The following CTRB1 variants were observed in gnomAD, a reference collection of about 807,000 sequenced individuals.
CTRB1 encodes chymotrypsinogen B1.
CTRB1 carries 15 observed loss-of-function variants against 20.4 expected under a neutral mutation model. That is an observed-to-expected ratio of 0.74 (90% CI 0.49 to 1.13). CTRB1 has a LOEUF of 1.13. Ranked by LOEUF, CTRB1 falls within the 50% of genes most tolerant of loss-of-function variation. The pLI, the probability that CTRB1 is intolerant of heterozygous loss-of-function variation, is 0.00. For missense variants in CTRB1, 227 were observed against 290.1 expected (o/e 0.78, Z 1.58); for synonymous variants, 92 against 128.4 (o/e 0.72, Z 1.92).
chr16:75,219,549 C>A (rs2039050620), intron 1 of CTRB1, among the ~76,000 whole-genome samples: 1 of 152,132 alleles, frequency 6.6e-6, no homozygotes, highest in Non-Finnish European at 1.5e-5. Context: ...GGACCACCAA[C>A]CCTGGCTAAT....
rs1252073444 is a variant in CTRB1, at chr16:75,222,748, T to C, written c.53-20T>C. The C allele has an allele frequency of 9.0e-6, 14 of 1,551,652 alleles. No homozygotes were observed. The highest frequency in any genetic ancestry group is 1.1e-5 in the Non-Finnish European group (13 of 1,146,716). On this transcript the variant is annotated intron_variant, in intron 1 of 6. Transcript: ENST00000361017. ...GGTGGGTTTGGGGCCTCAGCCCTTA[T>C]TCACCCCACTCCCCCCCAGGCTGCG...
intron 6 of CTRB1, 22 bp from the exon 7 acceptor site, chr16:75,224,683 C>A (rs759023339): frequency 2.5e-6 from 4 of 1,592,824 alleles, no homozygotes; most frequent in Non-Finnish European, 3.4e-6. Context: ...CAGATCCAAG[C>A]CCCCTTCTCC....
chr16:75,221,993 G>A (rs542014261), intron 1 of CTRB1, among the ~76,000 whole-genome samples: 32 of 150,974 alleles, frequency 2.1e-4, no homozygotes, highest in African/African-American at 7.3e-4. Context: ...CCCAGGAGGC[G>A]GAGCTTGCAG....
In CTRB1 at chr16:75,219,070, G is replaced by A. The variant is rs1191716279; in HGVS notation, c.52+11G>A. On this transcript the variant is annotated intron_variant, in intron 1 of 6. Coordinates refer to ENST00000361017, the MANE Select transcript of CTRB1 (RefSeq NM_001906.6). ...TGGGGGCCGCCTTTGGTGAGTGCTG[G>A]TGCCCGAGGGGTCTGTCCTGAGGGA... The A allele has an allele frequency of 1.9e-6, 3 of 1,583,070 alleles. No homozygotes were observed. Among genetic ancestry groups the A allele is most frequent in the Non-Finnish European group, 1.7e-6 (2 of 1,165,842 alleles).
At chr16:75,219,271 T>C (rs1247415880) in intron 1 of CTRB1, among the ~76,000 whole-genome samples, 2 of 152,090 alleles carry the variant, frequency 1.3e-5, no homozygotes, top group East Asian at 3.9e-4. Context: ...GGTCTGAGGC[T>C]CCAGAAGTGG....
In CTRB1 at chr16:75,219,046, G is replaced by T; in HGVS notation, c.39G>T (p.Val13=). Residue 13 remains valine (V), a synonymous_variant, in exon 1 of 7, where the codon GTG becomes GTT. Coordinates refer to ENST00000361017, the MANE Select transcript of CTRB1 (RefSeq NM_001906.6). ...SLWLLSCFSL[V]GAAFGCGVPA... ...GGCTCCTCTCCTGCTTCTCCCTTGTGGGGGCCGCCTTTGGTGAGTGCTGGT... is the reference window on the plus strand; with the variant it reads ...GGCTCCTCTCCTGCTTCTCCCTTGTTGGGGCCGCCTTTGGTGAGTGCTGGT... 1 of 1,592,586 alleles carries T rather than the reference G, an allele frequency of 6.3e-7. No homozygotes were observed.
chr16:75,219,935 A>G (rs1190811584), intron 1 of CTRB1, among the ~76,000 whole-genome samples: 1 of 152,214 alleles, frequency 6.6e-6, no homozygotes, highest in Non-Finnish European at 1.5e-5. Flanking sequence ...ACATCTATAC[A>G]TAAGGTTTCA....
chr16:75,221,479 C>T (rs1022989894), intron 1 of CTRB1, among the ~76,000 whole-genome samples: 1 of 152,124 alleles, frequency 6.6e-6, no homozygotes, highest in Non-Finnish European at 1.5e-5. Context: ...CCTGCCTCAG[C>T]CTCCCAAGTA....
At chr16:75,222,474 A>C in intron 1 of CTRB1, 1 of 492,452 alleles carries the variant, frequency 2.0e-6, no homozygotes, top group Non-Finnish European at 3.6e-6. Context: ...CTCGAGGCTG[A>C]GCCCAGGCAG....
At chr16:75,220,387 T>C (rs928295528) in intron 1 of CTRB1, among the ~76,000 whole-genome samples, 11 of 152,186 alleles carry the variant, frequency 7.2e-5, no homozygotes, top group Non-Finnish European at 1.5e-4. Flanking sequence ...TTTCACCATA[T>C]TGGTCAGGCT....
intron 1 of CTRB1, among the ~76,000 whole-genome samples, chr16:75,222,060 A>G (rs2039093505): frequency 1.6e-5 from 1 of 60,832 alleles, no homozygotes; most frequent in African/African-American, 4.9e-5. Flanking sequence ...GACTGTCTCA[A>G]AAAGAAAAAA....
In CTRB1 at chr16:75,218,991, C is replaced by A; in HGVS notation, c.-17C>A. ...GGCCCCGCAGCTGGCAGGCCCCACACCTTCTGAGGCAGCGGCATGGCTTCC... is the reference window on the plus strand; with the variant it reads ...GGCCCCGCAGCTGGCAGGCCCCACAACTTCTGAGGCAGCGGCATGGCTTCC... On this transcript the variant is annotated 5_prime_UTR_variant, in exon 1 of 7. Transcript: ENST00000361017. 2.5e-6 allele frequency: 4 copies of A among 1,576,064 alleles called. No homozygotes were observed. Among genetic ancestry groups the A allele is most frequent in the Non-Finnish European group, 3.4e-6 (4 of 1,162,916 alleles).
intron 5 of CTRB1, among the ~76,000 whole-genome samples, 167 bp from the exon 6 acceptor site, chr16:75,223,888 G>A (rs1208977493): frequency 9.7e-5 from 1 of 10,360 alleles, no homozygotes; most frequent in Non-Finnish European, 2.2e-4. Flanking sequence ...GCTCCCACCC[G>A]GGCAGGGCCG....
At chr16:75,220,083 G>C (rs149298631) in intron 1 of CTRB1, among the ~76,000 whole-genome samples, 1 of 152,008 alleles carries the variant, frequency 6.6e-6, no homozygotes, top group Non-Finnish European at 1.5e-5. Flanking sequence ...TCAAGGGCTC[G>C]AGTGATCCTC....
intron 1 of CTRB1, among the ~76,000 whole-genome samples, chr16:75,220,466 G>GA (rs1395333791): frequency 6.6e-5 from 10 of 152,324 alleles, no homozygotes; most frequent in African/African-American, 2.4e-4. Flanking sequence ...TTACAGGCGT[G>GA]AGCCCCCATG....
intron 6 of CTRB1, 108 bp from the exon 7 acceptor site, chr16:75,224,597 T>G: frequency 1.6e-6 from 2 of 1,276,094 alleles, no homozygotes; most frequent in East Asian, 2.3e-5. Context: ...TGCTGAGCCT[T>G]TGCTGTGTGT....
intron 1 of CTRB1, among the ~76,000 whole-genome samples, chr16:75,221,318 C>T (rs993834524): frequency 6.6e-5 from 10 of 152,192 alleles, no homozygotes; most frequent in South Asian, 2.1e-4. Context: ...TTTCTGCTTC[C>T]AATGTGCCAT....
At chr16:75,222,560 C>A in intron 1 of CTRB1, 2 of 604,030 alleles carry the variant, frequency 3.3e-6, no homozygotes, top group South Asian at 4.4e-5. Flanking sequence ...CGCTCTGCAT[C>A]CTGGAAGGAT....
chr16:75,224,067 C>T lies in CTRB1; in HGVS notation c.509C>T (p.Pro170Leu). The change falls in exon 6 of 7, where the codon CCT (proline) becomes CTT (leucine). Residue 170 changes from proline to leucine, a missense_variant. By Grantham distance (98) the Pro-to-Leu change is moderately conservative. Transcript: ENST00000361017. ...TCCTGTCCTGCAGCCAACAAGACCCCTGACAAGCTGCAGCAGGCAGCCCTG... is the reference window on the plus strand; with the variant it reads ...TCCTGTCCTGCAGCCAACAAGACCCTTGACAAGCTGCAGCAGGCAGCCCTG... ...GKTKYNANKT[P>L]DKLQQAALPL... 8.7e-7 allele frequency: 1 copy of T among 1,152,342 alleles called. No individual in the cohort carries two copies. The highest frequency in any genetic ancestry group is 1.2e-6 in the Non-Finnish European group (1 of 819,338). 71.4% of individuals were successfully genotyped at this position (1,152,342 alleles called of 1,614,324 possible).
Sources: gnomAD v4.1 joint callset for allele counts (sites outside exome capture counted in the v4.1 genomes callset) on GRCh38, gnomAD v4.1.1 for gene constraint, MANE v1.5 for transcripts, NCBI Gene and HGNC (gene_info 2026-07-23, HGNC 2026-07-21) for gene names.